The following TCIRG1 variants were observed in gnomAD, a reference collection of about 807,000 sequenced individuals.
TCIRG1 encodes the protein T cell immune regulator 1, ATPase H+ transporting V0 subunit a3, also known as V-type proton ATPase 116 kDa subunit a 3.
TCIRG1 carries 86 observed loss-of-function variants against 95.5 expected under a neutral mutation model. The observed-to-expected ratio is 0.90, with a 90% CI of 0.76 to 1.08. The LOEUF (loss-of-function observed/expected upper bound fraction) is 1.08. TCIRG1 is among the 50% of genes least tolerant of loss of function. The pLI is 0.00. For missense variants in TCIRG1, 1,069 were observed against 1,140.2 expected, an observed-to-expected ratio of 0.94 and a Z score of 0.90; for synonymous variants, 499 against 501.3, an observed-to-expected ratio of 1.00 and a Z score of 0.06.
chr11:68,044,160 G>T lies in TCIRG1; in HGVS notation c.836G>T (p.Ser279Ile). 1 of 1,551,710 alleles carries T rather than the reference G, an allele frequency of 6.4e-7. No individual in the cohort carries two copies. The change falls in exon 9 of 20, where the codon AGC (serine) becomes ATC (isoleucine). Residue 279 changes from serine (S) to isoleucine (I), a missense_variant. Transcript: ENST00000265686. ...CTCGGGGAGACAGAGCGGTTCCTGA[G>T]CCAGGTGCTAGGCCGGGTGCTGCAG... ...EVLGETERFL[S>I]QVLGRVLQLL...
chr11:68,047,121 C>T (rs930799800), intron 10 of TCIRG1: 1 of 397,910 alleles, frequency 2.5e-6, no homozygotes, highest in Admixed American at 3.6e-5. Flanking sequence ...AATGATTCTC[C>T]TGCCTCAGCC....
intron 1 of TCIRG1, among the ~76,000 whole-genome samples, chr11:68,040,638 C>T (rs1281083174): frequency 6.6e-6 from 1 of 152,214 alleles, no homozygotes; most frequent in Non-Finnish European, 1.5e-5. Flanking sequence ...CACCTGCCCC[C>T]ACCCCACATC....
At chr11:68,043,733 T>G in intron 7 of TCIRG1, 80 bp downstream of exon 7, 2 of 1,534,490 alleles carry the variant, frequency 1.3e-6, no homozygotes, top group Non-Finnish European at 1.8e-6. Flanking sequence ...CTATCGTGAC[T>G]CCTCCCCATG....
chr11:68,049,026 G>A, intron 14 of TCIRG1, 29 bp downstream of exon 14: 1 of 1,613,048 alleles, frequency 6.2e-7, no homozygotes. Context: ...CGGGGGACGG[G>A]AGGCTGGCAG....
chr11:68,040,604 C>A (rs942943897), intron 1 of TCIRG1, among the ~76,000 whole-genome samples: 1 of 152,192 alleles, frequency 6.6e-6, no homozygotes, highest in African/African-American at 2.4e-5. Flanking sequence ...CCCCAGCATC[C>A]AGGGCGGGTT....
Position 68,045,119 on chromosome 11 carries a change from C to T in TCIRG1, c.1165+17C>T. On this transcript the variant is annotated intron_variant, in intron 10 of 19. Coordinates refer to ENST00000265686, the MANE Select transcript of TCIRG1 (RefSeq NM_006019.4). ...TCAACCCCGGTGAGAGCCACGGCATCCTTACCCGTGTCCTGGGAGGCTCAG... is the reference window on the plus strand; with the variant it reads ...TCAACCCCGGTGAGAGCCACGGCATTCTTACCCGTGTCCTGGGAGGCTCAG... 4 of 1,599,452 alleles carry T rather than the reference C, an allele frequency of 2.5e-6. No homozygotes were observed. The highest frequency in any genetic ancestry group is 2.2e-5 in the East Asian group (1 of 44,886).
At chr11:68,049,379 C>A in intron 15 of TCIRG1, 85 bp downstream of exon 15, 1 of 1,405,628 alleles carries the variant, frequency 7.1e-7, no homozygotes, top group South Asian at 1.3e-5. Context: ...GCAAGATCCT[C>A]GTCCGAGAAA....
In TCIRG1 at chr11:68,048,996, G is replaced by C. The variant is rs35089741; in HGVS notation, c.1672G>C (p.Val558Leu). ...GGTGGTCCTCGGAGTCTTCAACCACGTGTGAGGGCCAAGGCTGCCCGGGGG... is the reference window on the plus strand; with the variant it reads ...GGTGGTCCTCGGAGTCTTCAACCACCTGTGAGGGCCAAGGCTGCCCGGGGG... ...FGVVLGVFNH[V>L]HFGQRHRLLL... The change falls in exon 14 of 20, where the codon GTG becomes CTG. Residue 558 changes from valine (V) to leucine (L), a missense_variant and splice_region_variant. Coordinates refer to ENST00000265686, the MANE Select transcript of TCIRG1 (RefSeq NM_006019.4). 16,304 of 1,613,498 alleles carry C rather than the reference G, an allele frequency of 0.01. 2,349 individuals carry two copies. In the Admixed American group the frequency reaches 0.25, roughly 25 times the overall value.
chr11:68,045,925 C>T (rs1041660224), intron 10 of TCIRG1, among the ~76,000 whole-genome samples: 3 of 152,296 alleles, frequency 2.0e-5, no homozygotes, highest in African/African-American at 4.8e-5. Flanking sequence ...TGCTATGGGC[C>T]GGGCCCCCAC....
At position 68,049,959 on chromosome 11, in the gene TCIRG1, C is replaced by T. The variant is rs1855712211; in HGVS notation, c.2014-3C>T. The T allele has an allele frequency of 6.2e-7, 1 of 1,609,310 alleles. No homozygotes were observed. Among genetic ancestry groups the T allele is most frequent in the Non-Finnish European group, 8.5e-7 (1 of 1,178,810 alleles). ...CTGCCAACACTGCCTGCTCATGCCC[C>T]AGGAGGAAAACAAGGCCGGGTTGCT... On this transcript the variant is annotated splice_region_variant and splice_polypyrimidine_tract_variant and intron_variant, in intron 16 of 19. Transcript: ENST00000265686.
downstream of TCIRG1, among the ~76,000 whole-genome samples, chr11:68,051,612 T>C (rs1304287078): frequency 6.6e-6 from 1 of 152,216 alleles, no homozygotes; most frequent in East Asian, 1.9e-4. Flanking sequence ...GGGAGGAGCC[T>C]GTCCATTGGC....
intron 6 of TCIRG1, 35 bp from the exon 7 acceptor site, chr11:68,043,536 G>C (rs775280485): frequency 1.9e-6 from 3 of 1,591,138 alleles, no homozygotes; most frequent in East Asian, 4.6e-5. Flanking sequence ...CCTGGGCAGA[G>C]CGGGACCCCA....
chr11:68,049,535 C>T (rs1274613638), intron 15 of TCIRG1, 128 bp from the exon 16 acceptor site: 17 of 1,336,976 alleles, frequency 1.3e-5, no homozygotes, highest in South Asian at 5.1e-5. Flanking sequence ...AGTGAGGGCA[C>T]GGAGCCCCCG....
Position 68,042,967 on chromosome 11 carries a change from G to A in TCIRG1, c.439G>A (p.Gly147Arg). ...CTAGCTGGCAGCCGCCCACACAGAT[G>A]GGGCCTCAGAGAGGACGCCCCTGCT... ...EPQLAAAHTD[G>R]ASERTPLLQA... The change falls in exon 5 of 20, where the codon GGG becomes AGG. Residue 147 changes from glycine to arginine, a missense_variant. Physicochemically the swap from Gly to Arg is moderately radical, Grantham distance 125. Coordinates refer to ENST00000265686, the MANE Select transcript of TCIRG1 (RefSeq NM_006019.4). The A allele has an allele frequency of 1.9e-6, 3 of 1,555,266 alleles. No homozygotes were observed. The highest frequency in any genetic ancestry group is 2.6e-6 in the Non-Finnish European group (3 of 1,149,492).
chr11:68,046,629 A>G (rs531689057), intron 10 of TCIRG1, among the ~76,000 whole-genome samples: 2 of 142,960 alleles, frequency 1.4e-5, no homozygotes, highest in Admixed American at 1.4e-4. Context: ...ACTCCAGTGT[A>G]TCTTTTTTGG....
At chr11:68,041,424 T>A in intron 2 of TCIRG1, 36 bp downstream of exon 2, 1 of 1,468,962 alleles carries the variant, frequency 6.8e-7, no homozygotes, top group Non-Finnish European at 9.5e-7. Context: ...AGGGGGCTAC[T>A]GCCAAGGTTA....
downstream of TCIRG1, chr11:68,052,913 A>G (rs1304176915): frequency 6.6e-6 from 1 of 152,444 alleles, no homozygotes; most frequent in Non-Finnish European, 1.5e-5. Context: ...GCAGAAATAT[A>G]TGCACAAAAA....
At chr11:68,049,870 A>G (rs1261590883) in intron 16 of TCIRG1, 82 bp downstream of exon 16, 1 of 1,556,130 alleles carries the variant, frequency 6.4e-7, no homozygotes, top group East Asian at 2.4e-5. Flanking sequence ...TCGCTTCCTG[A>G]CAGACTCCTG....
At chr11:68,052,427 G>A (rs1482806964), downstream of TCIRG1, 1 of 152,302 alleles carries the variant, frequency 6.6e-6, no homozygotes, top group East Asian at 1.9e-4. Context: ...GCAGTGGCCT[G>A]GGCACAGGAA....
Sources: gnomAD v4.1 joint callset for allele counts (sites outside exome capture counted in the v4.1 genomes callset) on GRCh38, gnomAD v4.1.1 for gene constraint, MANE v1.5 for transcripts, NCBI Gene and HGNC (gene_info 2026-07-23, HGNC 2026-07-21) for gene names.